Variants in SLC24A2 observed in about 807,000 individuals in gnomAD.
SLC24A2 encodes the protein sodium/potassium/calcium exchanger 2.
SLC24A2 carries 36 observed loss-of-function variants against 62.0 expected under a neutral mutation model. The observed-to-expected ratio is 0.58, with a 90% CI of 0.44 to 0.77. SLC24A2 has a LOEUF of 0.77. Ranked by LOEUF, SLC24A2 falls within the 30% of genes least tolerant of loss-of-function variation. The pLI, the probability that SLC24A2 is intolerant of heterozygous loss-of-function variation, is 0.00. For synonymous variants in SLC24A2, 358 were observed against 294.0 expected, an observed-to-expected ratio of 1.22 and a Z score of -2.23; for missense variants, 846 against 817.9, an observed-to-expected ratio of 1.03 and a Z score of -0.42.
the SLC24A2 span, among the ~76,000 whole-genome samples, chr9:19,797,497 C>T: frequency 6.6e-6 from 1 of 152,178 alleles, no homozygotes; most frequent in Non-Finnish European, 1.5e-5. Flanking sequence ...TGGATGCGAC[C>T]TGCCAAGTAG....
chr9:19,527,977 A>C, intron 9 of SLC24A2, 72 bp downstream of exon 9: 2 of 961,842 alleles, frequency 2.1e-6, no homozygotes. Context: ...GAAAGCAAAC[A>C]CAATGATTAA....
the SLC24A2 span, among the ~76,000 whole-genome samples, chr9:20,248,875 G>A: frequency 6.6e-6 from 1 of 152,176 alleles, no homozygotes; most frequent in Non-Finnish European, 1.5e-5. Flanking sequence ...CAATAAGAGA[G>A]TCTCTAAATA....
intron 2 of SLC24A2, among the ~76,000 whole-genome samples, chr9:19,742,612 TATA>T (rs1347769145): frequency 2.6e-5 from 4 of 152,226 alleles, no homozygotes; most frequent in South Asian, 4.1e-4. Context: ...AGTTTAAGTG[TATA>T]ATAAGTGGCA....
chr9:20,194,183 T>C, the SLC24A2 span, among the ~76,000 whole-genome samples: 1 of 152,130 alleles, frequency 6.6e-6, no homozygotes, highest in Non-Finnish European at 1.5e-5. Flanking sequence ...ATAAAATGTC[T>C]TTTAAGCATG....
chr9:19,779,472 A>G (rs945679330), intron 2 of SLC24A2, among the ~76,000 whole-genome samples: 6 of 152,236 alleles, frequency 3.9e-5, no homozygotes, highest in Admixed American at 3.9e-4. Context: ...TTGGACGAGA[A>G]AATAATTTTC....
the SLC24A2 span, among the ~76,000 whole-genome samples, chr9:19,990,144 C>A: frequency 3.3e-5 from 5 of 152,086 alleles, no homozygotes; most frequent in African/African-American, 1.2e-4. Flanking sequence ...TTAATCATCA[C>A]CATAATCCTG....
chr9:19,949,993 T>C, the SLC24A2 span, among the ~76,000 whole-genome samples: 1 of 152,170 alleles, frequency 6.6e-6, no homozygotes, highest in Non-Finnish European at 1.5e-5. Context: ...ATCCACTGAA[T>C]TGTATAATTC....
the SLC24A2 span, among the ~76,000 whole-genome samples, chr9:20,171,002 A>T: frequency 6.6e-6 from 1 of 152,208 alleles, no homozygotes; most frequent in African/African-American, 2.4e-5. Context: ...AAAACCTATC[A>T]GATTAACATC....
intron 2 of SLC24A2, among the ~76,000 whole-genome samples, chr9:19,674,733 T>C (rs1013725084): frequency 1.3e-5 from 2 of 152,218 alleles, no homozygotes; most frequent in African/African-American, 4.8e-5. Flanking sequence ...TGCTATCTAT[T>C]TCACTGAAGA....
chr9:19,530,603 C>T (rs1833658347), intron 8 of SLC24A2, among the ~76,000 whole-genome samples: 1 of 152,056 alleles, frequency 6.6e-6, no homozygotes, highest in South Asian at 2.1e-4. Flanking sequence ...AATTCCTAGC[C>T]AAAAGGTATA....
chr9:19,573,619 A>C, intron 6 of SLC24A2, 150 bp from the exon 7 acceptor site: 1 of 741,464 alleles, frequency 1.3e-6, no homozygotes, highest in Non-Finnish European at 2.4e-6. Flanking sequence ...TGTTGGGCTA[A>C]AGCAGAGGAT....
At chr9:19,818,831 G>T in the SLC24A2 span, among the ~76,000 whole-genome samples, 1 of 152,046 alleles carries the variant, frequency 6.6e-6, no homozygotes, top group African/African-American at 2.4e-5. Flanking sequence ...ATTCTTCACA[G>T]AATTAGAAAA....
At chr9:20,001,625 C>A in the SLC24A2 span, among the ~76,000 whole-genome samples, 1 of 152,186 alleles carries the variant, frequency 6.6e-6, no homozygotes, top group Non-Finnish European at 1.5e-5. Context: ...ATATTCATCT[C>A]TATTCCATGT....
chr9:20,240,597 C>CT, the SLC24A2 span, among the ~76,000 whole-genome samples: 1 of 152,106 alleles, frequency 6.6e-6, no homozygotes, highest in African/African-American at 2.4e-5. Flanking sequence ...GGGAGTAGAA[C>CT]TTTTTTGAAC....
At chr9:20,282,825 A>G in the SLC24A2 span, among the ~76,000 whole-genome samples, 7 of 152,320 alleles carry the variant, frequency 4.6e-5, no homozygotes, top group African/African-American at 1.7e-4. Context: ...TTTAAACCAA[A>G]TACCTTTCAT....
the SLC24A2 span, among the ~76,000 whole-genome samples, chr9:19,798,944 C>T: frequency 6.6e-6 from 1 of 152,102 alleles, no homozygotes; most frequent in African/African-American, 2.4e-5. Context: ...CAATTATGCA[C>T]ATATCCCCTT....
At chr9:19,607,255 C>G (rs1221063324) in intron 4 of SLC24A2, among the ~76,000 whole-genome samples, 2 of 152,202 alleles carry the variant, frequency 1.3e-5, no homozygotes, top group African/African-American at 4.8e-5. Flanking sequence ...CAAGTAATTG[C>G]ATCTGTGACA....
chr9:20,058,767 A>G, the SLC24A2 span, among the ~76,000 whole-genome samples: 1 of 152,222 alleles, frequency 6.6e-6, no homozygotes, highest in African/African-American at 2.4e-5. Context: ...CCCTGTCTCT[A>G]ACAAAACACA....
the SLC24A2 span, among the ~76,000 whole-genome samples, chr9:19,888,895 T>C: frequency 6.6e-6 from 1 of 152,258 alleles, no homozygotes; most frequent in East Asian, 1.9e-4. Context: ...CAAGCACAAA[T>C]TGGAACCTGG....
Sources: allele counts gnomAD v4.1 joint callset (sites outside exome capture counted in the v4.1 genomes callset), GRCh38; gene constraint gnomAD v4.1.1; transcripts MANE v1.5; gene names NCBI Gene and HGNC (gene_info 2026-07-23, HGNC 2026-07-21).